CLYBL: variants seen among roughly 807,000 people sequenced by gnomAD.
CLYBL encodes the protein citramalyl-CoA lyase, also known as citramalyl-CoA lyase, mitochondrial.
Under a neutral mutation model 38.9 loss-of-function variants are expected in CLYBL, and 31 were observed. That is an observed-to-expected ratio of 0.80 (90% CI 0.60 to 1.08). CLYBL has a LOEUF of 1.08. CLYBL is among the 50% of genes least tolerant of loss of function. The pLI is 0.00. For synonymous variants in CLYBL, 171 were observed against 158.6 expected, an observed-to-expected ratio of 1.08 and a Z score of -0.59; for missense variants, 434 against 411.6, an observed-to-expected ratio of 1.05 and a Z score of -0.47.
intron 2 of CLYBL, among the ~76,000 whole-genome samples, chr13:99,782,634 T>C (rs947954724): frequency 9.2e-5 from 14 of 152,214 alleles, no homozygotes; most frequent in Non-Finnish European, 1.9e-4. Flanking sequence ...TCCTTTTTTT[T>C]CCCTTGGTAT....
rs574305129 is a variant in CLYBL, at chr13:99,676,824, C to T, written c.62+70067C>T. 1.4e-3 allele frequency among the ~76,000 whole-genome samples: 209 copies of T among 151,456 alleles called. 1 individual carries two copies. Among genetic ancestry groups the T allele is most frequent in the African/African-American group, 4.7e-3 (194 of 41,250 alleles). ...TTCTCCATGTTGGTCAGGCTGGTCTCGAACTCTCGACCTCAGGTGATCTGC... is the reference window on the plus strand; with the variant it reads ...TTCTCCATGTTGGTCAGGCTGGTCTTGAACTCTCGACCTCAGGTGATCTGC... On this transcript the variant is annotated intron_variant, in intron 1 of 8. Transcript: ENST00000339105.
intron 1 of CLYBL, among the ~76,000 whole-genome samples, chr13:99,619,015 A>G (rs1248806194): frequency 6.6e-6 from 1 of 152,194 alleles, no homozygotes; most frequent in African/African-American, 2.4e-5. Flanking sequence ...TTCTATGTGG[A>G]GCACAGAAAT....
At chr13:99,803,176 G>A (rs2050168945) in intron 2 of CLYBL, among the ~76,000 whole-genome samples, 1 of 152,196 alleles carries the variant, frequency 6.6e-6, no homozygotes, top group Non-Finnish European at 1.5e-5. Context: ...GACAGATGTG[G>A]AGTGGCCGGC....
chr13:99,833,700 T>TTC (rs2050871252), intron 2 of CLYBL, among the ~76,000 whole-genome samples: 1 of 142,350 alleles, frequency 7.0e-6, no homozygotes, highest in Non-Finnish European at 1.5e-5. Context: ...TTTTTTTTTT[T>TTC]TTTTTTTTTA....
At chr13:99,803,769 A>G (rs1267846379) in intron 2 of CLYBL, among the ~76,000 whole-genome samples, 1 of 152,216 alleles carries the variant, frequency 6.6e-6, no homozygotes, top group Non-Finnish European at 1.5e-5. Context: ...TGAAATCAGT[A>G]AACTCTCTGG....
chr13:99,903,950 CG>C (rs2052667954), intron 8 of CLYBL, among the ~76,000 whole-genome samples: 1 of 151,790 alleles, frequency 6.6e-6, no homozygotes, highest in South Asian at 2.1e-4. Context: ...GAGGCTGATG[CG>C]GGAGGAGCAC....
intron 2 of CLYBL, among the ~76,000 whole-genome samples, chr13:99,843,716 C>A (rs1378580517): frequency 6.6e-6 from 1 of 151,890 alleles, no homozygotes; most frequent in Non-Finnish European, 1.5e-5. Flanking sequence ...ATTCTCCTGC[C>A]TCAGCCTCCC....
chr13:99,908,706 A>C (rs991189430), exon 10 of CLYBL, among the ~76,000 whole-genome samples: 3 of 152,232 alleles, frequency 2.0e-5, no homozygotes, highest in Non-Finnish European at 4.4e-5. Flanking sequence ...AGTGTGTCCA[A>C]TTTAAAGAAT....
rs574040796 is a variant in CLYBL at position 99,628,188 on chromosome 13, T to C, written c.62+21431T>C. 2.0e-5 allele frequency among the ~76,000 whole-genome samples: 3 copies of C among 152,342 alleles called. No homozygotes were observed. The South Asian group carries it at 6.2e-4, about 32-fold the overall frequency. ...GAATGTGAAATTTAATATTTTCCAC[T>C]AGTTATTTCCCAACATGCAAAGTGA... On this transcript the variant is annotated intron_variant, in intron 1 of 8. Transcript: ENST00000339105.
In CLYBL at chr13:99,882,948, G is replaced by A. The variant is rs180724054; in HGVS notation, c.928-8370G>A. Among the ~76,000 whole-genome samples the A allele has an allele frequency of 6.2e-4, 95 of 152,102 alleles. 1 individual carries two copies. The highest frequency in any genetic ancestry group is 2.2e-3 in the African/African-American group (90 of 41,516). On this transcript the variant is annotated intron_variant, in intron 7 of 8. Coordinates refer to ENST00000339105, the MANE Select transcript of CLYBL (RefSeq NM_206808.5). Reference sequence around the variant, plus strand: ...CAATCCATCCATGCTGTCCCACTCGGAAGTAGGGCTGGGCCGGGCCAGGCC... The same window carrying A: ...CAATCCATCCATGCTGTCCCACTCGAAAGTAGGGCTGGGCCGGGCCAGGCC...
downstream of CLYBL, among the ~76,000 whole-genome samples, chr13:99,900,488 C>CT (rs1046228264): frequency 1.3e-5 from 2 of 152,084 alleles, no homozygotes; most frequent in Non-Finnish European, 2.9e-5. Flanking sequence ...CTTGCAGACC[C>CT]TTAAGGGCTG....
In CLYBL at chr13:99,886,768, G is replaced by A. The variant is rs148443983; in HGVS notation, c.928-4550G>A. Among the ~76,000 whole-genome samples the A allele has an allele frequency of 5.9e-5, 9 of 152,314 alleles. No individual in the cohort carries two copies. In the East Asian group the frequency reaches 9.7e-4, roughly 16 times the overall value. ...TGCAGCCATGGCAGGCCCTCAGATC[G>A]TCCCTGTGCTCACCACCCTGGCCTT... On this transcript the variant is annotated intron_variant, in intron 7 of 8. Transcript: ENST00000339105.
At chr13:99,847,502 G>A (rs1462337127) in intron 2 of CLYBL, among the ~76,000 whole-genome samples, 2 of 152,190 alleles carry the variant, frequency 1.3e-5, no homozygotes, top group Non-Finnish European at 2.9e-5. Context: ...ACTGTACTTT[G>A]TACCAGTCGG....
chr13:99,662,116 T>C (rs923394267), intron 1 of CLYBL, among the ~76,000 whole-genome samples: 4 of 152,220 alleles, frequency 2.6e-5, no homozygotes, highest in Admixed American at 6.5e-5. Context: ...CTCCCTGACC[T>C]TTCCTTGCTA....
chr13:99,676,186 G>GTCCGTCCTTCCTTCCT (rs1459044000), intron 1 of CLYBL, among the ~76,000 whole-genome samples: 5,934 of 132,716 alleles, frequency 0.045, 177 homozygotes, highest in Middle Eastern at 0.083. Flanking sequence ...CCCTCCGTCC[G>GTCCGTCCTTCCTTCCT]TCCTTCCTTC....
Position 99,749,281 on chromosome 13 carries a change from C to T in CLYBL, c.63-23543C>T, listed in dbSNP as rs145344628. 5.4e-3 allele frequency among the ~76,000 whole-genome samples: 825 copies of T among 152,280 alleles called. 11 individuals are homozygous for T. The highest frequency in any genetic ancestry group is 0.019 in the African/African-American group (797 of 41,558). The stretch of plus-strand genomic sequence containing the variant: ...GTCCCGATGGTCTGAGGAGGCAGTA[C>T]GCTGCAGTGAGACAGTATAACGCAA... On this transcript the variant is annotated intron_variant, in intron 1 of 8. Transcript: ENST00000339105.
intron 1 of CLYBL, among the ~76,000 whole-genome samples, chr13:99,647,834 T>G (rs765395724): frequency 1.3e-5 from 2 of 152,194 alleles, no homozygotes; most frequent in African/African-American, 2.4e-5. Flanking sequence ...AGCCATAGAT[T>G]TTGACACTAG....
intron 1 of CLYBL, among the ~76,000 whole-genome samples, chr13:99,760,408 A>G (rs746009146): frequency 2.6e-5 from 4 of 152,138 alleles, no homozygotes; most frequent in Non-Finnish European, 5.9e-5. Context: ...ACTGACCAGC[A>G]TTTTTTCATT....
intron 1 of CLYBL, among the ~76,000 whole-genome samples, chr13:99,651,758 C>T (rs148558002): frequency 0.013 from 2,032 of 151,388 alleles, 47 homozygotes; most frequent in African/African-American, 0.046. Context: ...GGTGAAACCC[C>T]GTCTCTACTA....
Sources: gnomAD v4.1 joint callset for allele counts (sites outside exome capture counted in the v4.1 genomes callset) on GRCh38, gnomAD v4.1.1 for gene constraint, MANE v1.5 for transcripts, NCBI Gene and HGNC (gene_info 2026-07-23, HGNC 2026-07-21) for gene names.